Variants in PITPNC1 observed in about 807,000 individuals in gnomAD.
PITPNC1 encodes cytoplasmic phosphatidylinositol transfer protein 1.
A neutral mutation model predicts 44.7 loss-of-function variants in PITPNC1; 18 were observed. The observed-to-expected ratio is 0.40, with a 90% confidence interval of 0.28 to 0.60. The LOEUF (loss-of-function observed/expected upper bound fraction) is 0.60, where lower values mean the gene tolerates loss of function less well. Ranked by LOEUF, PITPNC1 falls within the 20% of genes least tolerant of loss-of-function variation. The probability of loss-of-function intolerance (pLI) is 0.39; values close to 1 mark genes in which losing one functional copy is unlikely to be tolerated. For missense variants in PITPNC1, 290 were observed against 418.4 expected (o/e 0.69, Z 2.68); for synonymous variants, 141 against 149.6 (o/e 0.94, Z 0.42).
intron 1 of PITPNC1, among the ~76,000 whole-genome samples, chr17:67,523,877 T>C (rs2040361766): frequency 7.1e-6 from 1 of 140,810 alleles, no homozygotes; most frequent in South Asian, 2.5e-4. Context: ...AGTGGTGCAA[T>C]CTCTGCTCAC....
At chr17:67,638,763 G>C (rs1335549031) in intron 6 of PITPNC1, 2 of 152,106 alleles carry the variant, frequency 1.3e-5, no homozygotes, top group African/African-American at 2.4e-5. Flanking sequence ...ATTGATGAAA[G>C]TGGATACGGC....
intron 8 of PITPNC1, among the ~76,000 whole-genome samples, chr17:67,677,184 T>A (rs1416272057): frequency 6.6e-6 from 1 of 152,164 alleles, no homozygotes; most frequent in Non-Finnish European, 1.5e-5. Context: ...TCCCAGCTTG[T>A]GCTCCTCAGA....
At chr17:67,468,882 C>T (rs2039471724) in intron 1 of PITPNC1, among the ~76,000 whole-genome samples, 1 of 143,894 alleles carries the variant, frequency 6.9e-6, no homozygotes, top group African/African-American at 2.8e-5. Context: ...GCACCCACCA[C>T]CACGCCTGGC....
chr17:67,483,316 A>T (rs2039729011), intron 1 of PITPNC1, among the ~76,000 whole-genome samples: 1 of 152,206 alleles, frequency 6.6e-6, no homozygotes, highest in Non-Finnish European at 1.5e-5. Flanking sequence ...CTACCCTAAA[A>T]TGTCACAAAA....
chr17:67,595,429 A>G (rs1373049731), intron 5 of PITPNC1, among the ~76,000 whole-genome samples: 1 of 152,040 alleles, frequency 6.6e-6, no homozygotes. Flanking sequence ...ACCTTCAAGG[A>G]CAAAGTCTCA....
chr17:67,502,079 G>A (rs528378932), intron 1 of PITPNC1, among the ~76,000 whole-genome samples: 19 of 152,256 alleles, frequency 1.2e-4, no homozygotes, highest in African/African-American at 3.9e-4. Context: ...AACCATTCAC[G>A]TTGTAGTTGA....
intron 1 of PITPNC1, among the ~76,000 whole-genome samples, chr17:67,467,218 G>T (rs1821322): frequency 0.63 from 95,447 of 151,536 alleles, 31,313 homozygotes; most frequent in African/African-American, 0.8. Context: ...GCTATTTTTT[G>T]TGTGTGTGTG....
chr17:67,418,880 C>T (rs1483930256), intron 1 of PITPNC1, among the ~76,000 whole-genome samples: 1 of 151,962 alleles, frequency 6.6e-6, no homozygotes, highest in Non-Finnish European at 1.5e-5. Flanking sequence ...CCCACCGGGC[C>T]TGAATTTTGC....
chr17:67,476,979 A>G (rs1239318323), intron 1 of PITPNC1, among the ~76,000 whole-genome samples: 1 of 152,214 alleles, frequency 6.6e-6, no homozygotes, highest in African/African-American at 2.4e-5. Context: ...GCATTGCAAC[A>G]AGGTTCTCAG....
chr17:67,549,874 G>A (rs1224418054), intron 2 of PITPNC1, among the ~76,000 whole-genome samples: 1 of 152,162 alleles, frequency 6.6e-6, no homozygotes, highest in African/African-American at 2.4e-5. Flanking sequence ...CCAACCCTGA[G>A]TCAGTCCATT....
chr17:67,550,261 C>G (rs1384514863), intron 2 of PITPNC1, among the ~76,000 whole-genome samples: 1 of 152,106 alleles, frequency 6.6e-6, no homozygotes, highest in Non-Finnish European at 1.5e-5. Context: ...CAGAGCCCGC[C>G]TAAGAGCAGG....
chr17:67,396,649 C>T (rs1309675434), intron 1 of PITPNC1, among the ~76,000 whole-genome samples: 2 of 151,358 alleles, frequency 1.3e-5, no homozygotes, highest in East Asian at 2.0e-4. Context: ...TGATTACAGG[C>T]GTGAGCCACC....
chr17:67,414,631 C>T (rs758094446), intron 1 of PITPNC1, among the ~76,000 whole-genome samples: 2 of 152,082 alleles, frequency 1.3e-5, no homozygotes, highest in Admixed American at 6.6e-5. Flanking sequence ...GTTACAATGG[C>T]AGAGTTGAGT....
At chr17:67,495,037 G>GTTTTTTT (rs2039925221) in intron 1 of PITPNC1, among the ~76,000 whole-genome samples, 37 of 79,398 alleles carry the variant, frequency 4.7e-4, no homozygotes, top group African/African-American at 6.2e-4. Flanking sequence ...GAGCCATGGA[G>GTTTTTTT]TTGTTTTTTT....
At chr17:67,576,507 G>A (rs1373227359) in intron 4 of PITPNC1, among the ~76,000 whole-genome samples, 1 of 152,172 alleles carries the variant, frequency 6.6e-6, no homozygotes, top group Non-Finnish European at 1.5e-5. Context: ...ATGCTATCAG[G>A]CCAAGTCTGG....
At chr17:67,554,215 T>A (rs964619192) in intron 4 of PITPNC1, among the ~76,000 whole-genome samples, 1 of 151,194 alleles carries the variant, frequency 6.6e-6, no homozygotes, top group Non-Finnish European at 1.5e-5. Context: ...CCCAAGCAGC[T>A]AACAGGTCAA....
intron 1 of PITPNC1, among the ~76,000 whole-genome samples, chr17:67,467,032 A>G (rs1237949966): frequency 6.7e-6 from 1 of 150,056 alleles, no homozygotes; most frequent in East Asian, 2.0e-4. Flanking sequence ...TTAGCTGAAA[A>G]GGGACCTGAG....
chr17:67,634,121 G>GTGAAC (rs1567751182), intron 6 of PITPNC1, among the ~76,000 whole-genome samples: 1 of 152,172 alleles, frequency 6.6e-6, no homozygotes, highest in East Asian at 1.9e-4. Context: ...TTTCCTTCAT[G>GTGAAC]CTTCACAGGG....
intron 4 of PITPNC1, among the ~76,000 whole-genome samples, chr17:67,556,035 A>T (rs1283673964): frequency 6.6e-6 from 1 of 152,160 alleles, no homozygotes; most frequent in African/African-American, 2.4e-5. Flanking sequence ...TGGAGGCAAG[A>T]GGGGACTTAG....
Sources: allele counts gnomAD v4.1 joint callset (sites outside exome capture counted in the v4.1 genomes callset), GRCh38; gene constraint gnomAD v4.1.1; transcripts MANE v1.5; gene names NCBI Gene and HGNC (gene_info 2026-07-23, HGNC 2026-07-21).